SGCD: variants seen among roughly 807,000 people sequenced by gnomAD.
SGCD encodes the protein delta-sarcoglycan.
Under a neutral mutation model 36.6 loss-of-function variants are expected in SGCD, and 18 were observed. The ratio of observed to expected loss-of-function variants is 0.49; its 90% CI spans 0.34 to 0.73. The LOEUF (loss-of-function observed/expected upper bound fraction) is 0.73, where lower values mean the gene tolerates loss of function less well. Ranked by LOEUF, SGCD falls within the 30% of genes least tolerant of loss-of-function variation. The probability of loss-of-function intolerance (pLI) is 0.01; values close to 1 mark genes in which losing one functional copy is unlikely to be tolerated. For missense variants in SGCD, 387 were observed against 346.7 expected (o/e 1.12, Z -0.92); for synonymous variants, 133 against 130.6 (o/e 1.02, Z -0.12).
At chr5:156,155,245 G>A (rs549770839) in intron 3 of SGCD, among the ~76,000 whole-genome samples, 3 of 151,280 alleles carry the variant, frequency 2.0e-5, no homozygotes, top group South Asian at 4.2e-4. Flanking sequence ...AAGTTTAAAT[G>A]GTCATAGATA....
upstream of SGCD, among the ~76,000 whole-genome samples, chr5:156,326,103 A>G (rs1354211264): frequency 2.6e-5 from 4 of 152,218 alleles, no homozygotes; most frequent in Non-Finnish European, 5.9e-5. Context: ...CTCTCTTTAA[A>G]TCACCTCTTT....
chr5:156,612,582 G>C (rs1168894686), intron 6 of SGCD, among the ~76,000 whole-genome samples: 1 of 152,246 alleles, frequency 6.6e-6, no homozygotes, highest in African/African-American at 2.4e-5. Flanking sequence ...CCACTATGCA[G>C]GTCTGCCTGT....
chr5:155,990,577 G>C (rs981584401), intron 1 of SGCD, among the ~76,000 whole-genome samples: 22 of 152,046 alleles, frequency 1.4e-4, no homozygotes, highest in Non-Finnish European at 3.1e-4. Context: ...TAATTTACTT[G>C]TTGGCTTCTA....
intron 1 of SGCD, among the ~76,000 whole-genome samples, chr5:155,945,163 G>T (rs1009916920): frequency 6.6e-6 from 1 of 152,164 alleles, no homozygotes; most frequent in African/African-American, 2.4e-5. Flanking sequence ...AATGAGGTCT[G>T]TGTTATTGGA....
At chr5:156,483,933 AG>A (rs11304197) in intron 3 of SGCD, among the ~76,000 whole-genome samples, 43,641 of 152,106 alleles carry the variant, frequency 0.29, 6,924 homozygotes, top group Middle Eastern at 0.57. Flanking sequence ...TGGCTTTTGC[AG>A]CCTGATGTTA....
intron 2 of SGCD, among the ~76,000 whole-genome samples, chr5:156,120,649 A>T (rs1163604990): frequency 6.6e-6 from 1 of 152,186 alleles, no homozygotes. Context: ...TCTCTGAAGC[A>T]TTGTAACTAT....
At chr5:156,712,209 C>G (rs767965575) in intron 7 of SGCD, among the ~76,000 whole-genome samples, 1 of 152,178 alleles carries the variant, frequency 6.6e-6, no homozygotes, top group Admixed American at 6.5e-5. Context: ...CAGGTCTCAG[C>G]CTTATTTTAT....
intron 3 of SGCD, among the ~76,000 whole-genome samples, chr5:156,424,021 G>A (rs1278309101): frequency 6.6e-6 from 1 of 151,884 alleles, no homozygotes; most frequent in Non-Finnish European, 1.5e-5. Flanking sequence ...TCTGTTCGTG[G>A]CACATCACTA....
intron 2 of SGCD, among the ~76,000 whole-genome samples, chr5:156,333,176 C>G (rs1301642578): frequency 6.6e-6 from 1 of 152,164 alleles, no homozygotes; most frequent in African/African-American, 2.4e-5. Context: ...TTGCCAAACA[C>G]AATTGTCAAG....
Position 156,447,846 on chromosome 5 carries a change from C to A in SGCD, c.193-60755C>A, listed in dbSNP as rs573625836. On this transcript the variant is annotated intron_variant, in intron 3 of 8. Coordinates refer to ENST00000337851, the MANE Select transcript of SGCD (RefSeq NM_000337.6). ...AGCAATCATTACCTGTTACTGAGTACTTACCATAAATCAGGTGCTGTGCTA... is the reference window on the plus strand; with the variant it reads ...AGCAATCATTACCTGTTACTGAGTAATTACCATAAATCAGGTGCTGTGCTA... Among the ~76,000 whole-genome samples, 5 of 152,250 alleles carry A rather than the reference C, an allele frequency of 3.3e-5. No homozygotes were observed. The East Asian group carries it at 9.7e-4, about 29-fold the overall frequency.
chr5:155,846,131 C>T, the SGCD span, among the ~76,000 whole-genome samples: 1 of 152,174 alleles, frequency 6.6e-6, no homozygotes, highest in Admixed American at 6.5e-5. Context: ...ACTTTCTTAT[C>T]TCTGTTAAGA....
At chr5:156,245,980 A>G (rs1765428646) in intron 3 of SGCD, among the ~76,000 whole-genome samples, 1 of 152,152 alleles carries the variant, frequency 6.6e-6, no homozygotes, top group African/African-American at 2.4e-5. Context: ...GCTTGAGGGA[A>G]AATGCAAACT....
intron 3 of SGCD, among the ~76,000 whole-genome samples, chr5:156,299,619 T>G (rs1331559584): frequency 6.6e-6 from 1 of 152,088 alleles, no homozygotes; most frequent in Non-Finnish European, 1.5e-5. Context: ...ATTGCATCAG[T>G]GATTTATAGT....
the SGCD span, among the ~76,000 whole-genome samples, chr5:155,732,166 G>A: frequency 6.6e-6 from 1 of 152,178 alleles, no homozygotes; most frequent in African/African-American, 2.4e-5. Flanking sequence ...ATTGCCTTCA[G>A]CATTCTTCAT....
intron 6 of SGCD, among the ~76,000 whole-genome samples, chr5:156,645,572 A>T (rs1763195377): frequency 1.3e-5 from 2 of 152,174 alleles, no homozygotes; most frequent in South Asian, 4.1e-4. Context: ...TAAAGGAGGG[A>T]CTTAATCTGC....
At chr5:155,729,396 G>A in the SGCD span, among the ~76,000 whole-genome samples, 104 of 152,370 alleles carry the variant, frequency 6.8e-4, no homozygotes, top group South Asian at 4.1e-4. Context: ...AAAAAAGACT[G>A]TTGGTATATT....
intron 1 of SGCD, among the ~76,000 whole-genome samples, chr5:156,077,474 A>C (rs1760817281): frequency 6.6e-6 from 1 of 152,210 alleles, no homozygotes; most frequent in Non-Finnish European, 1.5e-5. Context: ...CTTTAGGATC[A>C]AAATTTCTAT....
At chr5:156,646,696 T>C (rs1453050305) in intron 6 of SGCD, among the ~76,000 whole-genome samples, 3 of 152,182 alleles carry the variant, frequency 2.0e-5, no homozygotes, top group Admixed American at 2.0e-4. Flanking sequence ...CTAAGTTTAA[T>C]TGAAAAACTA....
chr5:156,252,375 C>T (rs754055510), intron 3 of SGCD, among the ~76,000 whole-genome samples: 5 of 152,002 alleles, frequency 3.3e-5, no homozygotes, highest in Admixed American at 1.3e-4. Context: ...CTGTGCCTGG[C>T]GATATTAACA....
Sources: gnomAD v4.1 joint callset for allele counts (sites outside exome capture counted in the v4.1 genomes callset) on GRCh38, gnomAD v4.1.1 for gene constraint, MANE v1.5 for transcripts, NCBI Gene and HGNC (gene_info 2026-07-23, HGNC 2026-07-21) for gene names.